PPARGC1A: variants seen among roughly 807,000 people sequenced by gnomAD.
PPARGC1A encodes peroxisome proliferator-activated receptor gamma coactivator 1-alpha.
A neutral mutation model predicts 88.7 loss-of-function variants in PPARGC1A; 25 were observed. The observed-to-expected ratio is 0.28, with a 90% CI of 0.21 to 0.39. PPARGC1A has a LOEUF of 0.39. Among genes scored for constraint, PPARGC1A ranks in the 10% least tolerant of loss-of-function variants. The pLI is 1.00. For synonymous variants in PPARGC1A, 363 were observed against 355.6 expected (o/e 1.02, Z -0.24); for missense variants, 880 against 968.7 (o/e 0.91, Z 1.22).
At chr4:23,921,271 A>C in the PPARGC1A span, among the ~76,000 whole-genome samples, 1 of 152,190 alleles carries the variant, frequency 6.6e-6, no homozygotes, top group African/African-American at 2.4e-5. Flanking sequence ...AACCAAGTGC[A>C]TGCGTGTGTG....
Position 23,814,433 on chromosome 4 carries a change from C to T in PPARGC1A, c.1050G>A (p.Glu350=). ...QGNNSTKKGP[E]QSELYAQLSK... ...TGAGTTGTGCATACAACTCGGATTG[C>T]TCCGGCCCTTTCTTGGTGGAGTTAT... Residue 350 remains glutamate (E), a synonymous_variant, in exon 8 of 13, where the codon GAG becomes GAA. Transcript: ENST00000264867. 1 of 1,613,714 alleles carries T rather than the reference C, an allele frequency of 6.2e-7. No individual in the cohort carries two copies. The highest frequency in any genetic ancestry group is 8.5e-7 in the Non-Finnish European group (1 of 1,179,908).
At chr4:24,248,430 G>A in the PPARGC1A span, among the ~76,000 whole-genome samples, 1 of 152,016 alleles carries the variant, frequency 6.6e-6, no homozygotes, top group Non-Finnish European at 1.5e-5. Context: ...TTCTTACACA[G>A]GGACATGGAC....
Position 23,802,165 on chromosome 4 carries a change from G to A in PPARGC1A, c.2141+59C>T, listed in dbSNP as rs1463120561. 2.5e-6 allele frequency: 4 copies of A among 1,608,802 alleles called. No homozygotes were observed. The East Asian group carries it at 6.7e-5, about 27-fold the overall frequency. On this transcript the variant is annotated intron_variant, in intron 11 of 12. Coordinates refer to ENST00000264867, the MANE Select transcript of PPARGC1A (RefSeq NM_013261.5). ...GCAACTCCCATCCCAGTAATCTTAT[G>A]GCCATAATTTTTTACATACGTCAGC...
the PPARGC1A span, among the ~76,000 whole-genome samples, chr4:24,144,676 C>T: frequency 6.6e-6 from 1 of 151,810 alleles, no homozygotes; most frequent in Admixed American, 6.6e-5. Flanking sequence ...CCTTCTCGCC[C>T]CACTAGCCTT....
At chr4:24,230,173 T>C in the PPARGC1A span, among the ~76,000 whole-genome samples, 1 of 152,242 alleles carries the variant, frequency 6.6e-6, no homozygotes, top group Non-Finnish European at 1.5e-5. Context: ...CTCGCTCCAA[T>C]TTGATCATCC....
chr4:23,989,200 G>GA, the PPARGC1A span, among the ~76,000 whole-genome samples: 1 of 151,948 alleles, frequency 6.6e-6, no homozygotes, highest in Non-Finnish European at 1.5e-5. Flanking sequence ...ACTGGCTTTA[G>GA]AATTTGGGGT....
the PPARGC1A span, among the ~76,000 whole-genome samples, chr4:24,399,680 C>T: frequency 1.3e-5 from 2 of 152,218 alleles, no homozygotes; most frequent in South Asian, 4.2e-4. Context: ...TACGAACACT[C>T]ATTTCCACCA....
At chr4:24,428,922 G>T in the PPARGC1A span, among the ~76,000 whole-genome samples, 1 of 152,162 alleles carries the variant, frequency 6.6e-6, no homozygotes, top group African/African-American at 2.4e-5. Flanking sequence ...AGTTGACATT[G>T]GACCCAGTAC....
the PPARGC1A span, among the ~76,000 whole-genome samples, chr4:24,059,109 C>T: frequency 2.0e-4 from 31 of 152,244 alleles, no homozygotes; most frequent in Admixed American, 4.6e-4. Flanking sequence ...GTGTTTATTT[C>T]GACCAAGCCC....
At chr4:23,857,894 GC>G (rs1337401647) in intron 2 of PPARGC1A, among the ~76,000 whole-genome samples, 2 of 151,386 alleles carry the variant, frequency 1.3e-5, no homozygotes, top group Non-Finnish European at 2.9e-5. Context: ...AATTCCATCA[GC>G]CATACATATC....
chr4:23,912,714 T>G, the PPARGC1A span, among the ~76,000 whole-genome samples: 2 of 151,666 alleles, frequency 1.3e-5, no homozygotes, highest in Non-Finnish European at 2.9e-5. Context: ...AAGACTGCAG[T>G]GTCAACTCTT....
the PPARGC1A span, among the ~76,000 whole-genome samples, chr4:24,055,795 G>A: frequency 1.3e-5 from 2 of 152,238 alleles, no homozygotes; most frequent in African/African-American, 4.8e-5. Flanking sequence ...CCTCCAGGTA[G>A]GAAAGCATTG....
Position 23,800,418 on chromosome 4 carries a change from T to C in PPARGC1A, c.2293+1312A>G, listed in dbSNP as rs368495501. On this transcript the variant is annotated intron_variant, in intron 12 of 12. Coordinates refer to ENST00000264867, the MANE Select transcript of PPARGC1A (RefSeq NM_013261.5). ...GTCCATTTTAGCATTATTTATAATA[T>C]TGAAAAATTAAAAATTAAATGTTTG... Among the ~76,000 whole-genome samples, 155 of 152,074 alleles carry C rather than the reference T, an allele frequency of 1.0e-3. 2 individuals are homozygous for C. The highest frequency in any genetic ancestry group is 3.5e-3 in the Admixed American group (53 of 15,272).
chr4:24,205,503 T>C, the PPARGC1A span, among the ~76,000 whole-genome samples: 2 of 152,294 alleles, frequency 1.3e-5, no homozygotes, highest in African/African-American at 4.8e-5. Context: ...TAAAGGTACA[T>C]GTTTACTATA....
the PPARGC1A span, among the ~76,000 whole-genome samples, chr4:24,089,694 G>A: frequency 2.6e-5 from 4 of 151,516 alleles, no homozygotes; most frequent in African/African-American, 4.8e-5. Context: ...TTGTATTTTT[G>A]GTAGAGACGG....
the PPARGC1A span, among the ~76,000 whole-genome samples, chr4:24,090,155 A>T: frequency 6.6e-6 from 1 of 152,220 alleles, no homozygotes; most frequent in Non-Finnish European, 1.5e-5. Context: ...CTAAAGGAAA[A>T]CATGCAAACG....
chr4:23,943,115 C>G, the PPARGC1A span, among the ~76,000 whole-genome samples: 1,926 of 152,110 alleles, frequency 0.013, 20 homozygotes, highest in South Asian at 0.021. Flanking sequence ...CAGCAAATAC[C>G]CACTGAATTA....
At chr4:23,922,183 A>C in the PPARGC1A span, among the ~76,000 whole-genome samples, 8 of 152,184 alleles carry the variant, frequency 5.3e-5, no homozygotes, top group Non-Finnish European at 1.0e-4. Context: ...GGCATGTTAG[A>C]CACAGACCTC....
At chr4:24,394,919 C>G in the PPARGC1A span, among the ~76,000 whole-genome samples, 4 of 152,124 alleles carry the variant, frequency 2.6e-5, no homozygotes, top group African/African-American at 9.7e-5. Context: ...TAATATAGAG[C>G]TTGGGAGTTA....
Sources: gnomAD v4.1 joint callset for allele counts (sites outside exome capture counted in the v4.1 genomes callset) on GRCh38, gnomAD v4.1.1 for gene constraint, MANE v1.5 for transcripts, NCBI Gene and HGNC (gene_info 2026-07-23, HGNC 2026-07-21) for gene names.